The following GABRR2 variants were observed in gnomAD, a reference collection of about 807,000 sequenced individuals.
GABRR2 encodes the protein gamma-aminobutyric acid type A receptor subunit rho2.
A neutral mutation model predicts 47.0 loss-of-function variants in GABRR2; 36 were observed. The observed-to-expected ratio is 0.77, with a 90% CI of 0.59 to 1.01. The LOEUF is 1.01. Ranked by LOEUF, GABRR2 falls within the 50% of genes least tolerant of loss-of-function variation. The pLI, the probability that GABRR2 is intolerant of heterozygous loss-of-function variation, is 0.00. For missense variants in GABRR2, 587 were observed against 594.6 expected (o/e 0.99, Z 0.13); for synonymous variants, 204 against 227.5 (o/e 0.90, Z 0.93).
At chr6:89,268,562 T>A (rs1314844217) in intron 4 of GABRR2, among the ~76,000 whole-genome samples, 2 of 151,622 alleles carry the variant, frequency 1.3e-5, no homozygotes, top group African/African-American at 2.4e-5. Context: ...AGCATTTTTT[T>A]AAGATGTGGA....
At chr6:89,296,427 AG>A (rs548580740) in intron 2 of GABRR2, among the ~76,000 whole-genome samples, 28 of 152,298 alleles carry the variant, frequency 1.8e-4, no homozygotes, top group Middle Eastern at 3.4e-3. Flanking sequence ...CTGGGCATCC[AG>A]GAAAGCCCTG....
rs371129030 is a variant in GABRR2 at position 89,267,711 on chromosome 6, G to A, written c.704C>T (p.Thr235Ile). Residue 235 changes from threonine (T) to isoleucine (I), a missense_variant, in exon 6 of 9, where the codon ACA becomes ATA. Coordinates refer to ENST00000402938, the MANE Select transcript of GABRR2 (RefSeq NM_002043.5). ...GCTGTAGAAGGCCAGCCTGGAAGTT[G>A]TGTGAAATTTCTGAATCAGAAACTG... The part of the protein sequence containing the change: ...LSQFLIQKFH[T>I]TSRLAFYSST... 6.2e-7 allele frequency: 1 copy of A among 1,613,794 alleles called. No individual in the cohort carries two copies. The highest frequency in any genetic ancestry group is 1.3e-5 in the African/African-American group (1 of 74,946).
intron 2 of GABRR2, among the ~76,000 whole-genome samples, chr6:89,294,598 G>C (rs572537195): frequency 2.0e-5 from 3 of 151,780 alleles, no homozygotes; most frequent in South Asian, 4.2e-4. Context: ...CTGGAAGGGG[G>C]TGTTAGGCTG....
At chr6:89,302,621 G>A (rs1767475685) in intron 1 of GABRR2, 2 of 1,241,726 alleles carry the variant, frequency 1.6e-6, no homozygotes, top group African/African-American at 1.5e-5. Context: ...CCCTGACCGT[G>A]CCCGAGCTCA....
intron 2 of GABRR2, among the ~76,000 whole-genome samples, chr6:89,286,479 T>C (rs1440960012): frequency 1.3e-5 from 2 of 152,184 alleles, no homozygotes; most frequent in Non-Finnish European, 2.9e-5. Context: ...TGTGGTGATT[T>C]TATAATACAT....
At chr6:89,282,591 C>T (rs1478784117) in intron 2 of GABRR2, among the ~76,000 whole-genome samples, 6 of 152,160 alleles carry the variant, frequency 3.9e-5, no homozygotes, top group East Asian at 1.9e-4. Flanking sequence ...TTTGTGGAGT[C>T]GGAAGCAAAA....
chr6:89,266,819 T>C (rs1281261568), intron 6 of GABRR2, among the ~76,000 whole-genome samples: 4 of 152,114 alleles, frequency 2.6e-5, no homozygotes. Context: ...TCTATTTCTC[T>C]CTCTTTATTT....
chr6:89,292,835 TACGA>T (rs1774493325), intron 2 of GABRR2, among the ~76,000 whole-genome samples: 1 of 114,628 alleles, frequency 8.7e-6, no homozygotes. Context: ...ATATCGTATA[TACGA>T]TATATCGTAT....
intron 1 of GABRR2, chr6:89,302,576 C>A: frequency 2.7e-5 from 28 of 1,031,406 alleles, no homozygotes; most frequent in Non-Finnish European, 3.7e-5. Flanking sequence ...CTTCTTCATG[C>A]CAGGCATGAA....
chr6:89,294,744 G>A (rs1375155689), intron 2 of GABRR2, among the ~76,000 whole-genome samples: 17 of 150,180 alleles, frequency 1.1e-4, no homozygotes, highest in Non-Finnish European at 2.2e-4. Flanking sequence ...GCACCCATTA[G>A]CTCGTCATTT....
intron 8 of GABRR2, among the ~76,000 whole-genome samples, chr6:89,262,265 A>T (rs1443244777): frequency 6.6e-6 from 1 of 152,188 alleles, no homozygotes; most frequent in African/African-American, 2.4e-5. Flanking sequence ...TAATACATTG[A>T]AATGTTAAGT....
rs569375551 is a variant in GABRR2, at chr6:89,291,865, C to T, written c.220+7894G>A. Among the ~76,000 whole-genome samples the T allele has an allele frequency of 8.5e-5, 13 of 152,288 alleles. No individual in the cohort carries two copies. The East Asian group carries it at 1.2e-3, about 14-fold the overall frequency. On this transcript the variant is annotated intron_variant, in intron 2 of 8. Transcript: ENST00000402938. The stretch of plus-strand genomic sequence containing the variant: ...ATAGTATGAGCTTCCCAGGCAAGGG[C>T]GGCTCTTCCCCAGGGCAGCCCTTCC...
chr6:89,286,642 C>T (rs1010561448), intron 2 of GABRR2, among the ~76,000 whole-genome samples: 2 of 152,088 alleles, frequency 1.3e-5, no homozygotes, highest in African/African-American at 4.8e-5. Flanking sequence ...CGGCCCAGTC[C>T]TTCAGGAGCA....
chr6:89,299,802 G>A lies in GABRR2; in HGVS notation c.177C>T (p.Leu59=). 2 of 1,613,958 alleles carry A rather than the reference G, an allele frequency of 1.2e-6. No individual in the cohort carries two copies. The highest frequency in any genetic ancestry group is 1.1e-5 in the South Asian group (1 of 91,084). ...TGCTGAAGTCGTGCTCGTCCACTCT[G>A]AGAAGCTGCTGAGGCTTTCCCTTCC... The part of the protein sequence containing the change: ...KIRKGKPQQL[L]RVDEHDFSMR... The change falls in exon 2 of 9, where the codon CTC becomes CTT. Residue 59 remains leucine (L), a synonymous_variant. Transcript: ENST00000402938.
At chr6:89,278,872 G>A (rs564170143) in intron 2 of GABRR2, among the ~76,000 whole-genome samples, 3 of 152,354 alleles carry the variant, frequency 2.0e-5, no homozygotes, top group African/African-American at 7.2e-5. Context: ...GGGAGGAAGA[G>A]GAGGACGGGA....
chr6:89,315,109 C>G lies in GABRR2; in HGVS notation c.57G>C (p.Glu19Asp), dbSNP rs141205354. Residue 19 changes from glutamate to aspartate, a missense_variant, in exon 1 of 9, where the codon GAG (glutamate) becomes GAC (aspartate). Coordinates refer to ENST00000402938, the MANE Select transcript of GABRR2 (RefSeq NM_002043.5). ...ATCGCTTCCTCTTGGGTTTTCTGCT[C>G]TCCACGAGAACCATCAAGCAAAACA... ...LFLFCLMVLV[E>D]SRKPKRKRWT... 7 of 1,613,836 alleles carry G rather than the reference C, an allele frequency of 4.3e-6. No homozygotes were observed. In the African/African-American group the frequency reaches 8.0e-5, roughly 18 times the overall value.
intron 3 of GABRR2, among the ~76,000 whole-genome samples, chr6:89,270,855 T>A (rs1774035087): frequency 6.6e-6 from 1 of 152,164 alleles, no homozygotes; most frequent in African/African-American, 2.4e-5. Context: ...CCTGCATTCA[T>A]GGAGCTTATA....
chr6:89,285,153 T>C (rs1774312035), intron 2 of GABRR2, among the ~76,000 whole-genome samples: 1 of 152,182 alleles, frequency 6.6e-6, no homozygotes, highest in Admixed American at 6.5e-5. Flanking sequence ...CTCTGTGAGG[T>C]TGGAAAACAT....
intron 4 of GABRR2, 37 bp downstream of exon 4, chr6:89,268,974 G>A: frequency 6.4e-7 from 1 of 1,571,588 alleles, no homozygotes; most frequent in Non-Finnish European, 8.8e-7. Flanking sequence ...TACCAGAAAG[G>A]CACTGGACAG....
Sources: gnomAD v4.1 joint callset for allele counts (sites outside exome capture counted in the v4.1 genomes callset) on GRCh38, gnomAD v4.1.1 for gene constraint, MANE v1.5 for transcripts, NCBI Gene and HGNC (gene_info 2026-07-23, HGNC 2026-07-21) for gene names.